The following KCNC3 variants were observed in gnomAD, a reference collection of about 807,000 sequenced individuals.
KCNC3 encodes the protein voltage-gated potassium channel KCNC3.
In KCNC3, 22 loss-of-function variants were observed where a neutral mutation model predicts 43.9. The observed-to-expected ratio is 0.50, with a 90% CI of 0.36 to 0.72. The LOEUF is 0.72. Ranked by LOEUF, KCNC3 falls within the 30% of genes least tolerant of loss-of-function variation. KCNC3 has a pLI of 0.00. For missense variants in KCNC3, 829 were observed against 1,073.8 expected (o/e 0.77, Z 3.19); for synonymous variants, 492 against 488.0 (o/e 1.01, Z -0.11).
At chr19:50,326,101 T>G (rs1009912212) in intron 1 of KCNC3, among the ~76,000 whole-genome samples, 1 of 152,116 alleles carries the variant, frequency 6.6e-6, no homozygotes, top group African/African-American at 2.4e-5. Context: ...GGTCGGACCC[T>G]CCACTTTGCT....
Position 50,324,217 on chromosome 19 carries a change from A to C in KCNC3, c.871-135T>G, listed in dbSNP as rs7256281. On this transcript the variant is annotated intron_variant, in intron 1 of 4. Coordinates refer to ENST00000477616, the MANE Select transcript of KCNC3 (RefSeq NM_004977.3). The surrounding 1 kb of genome is among the most constrained non-coding windows in gnomAD (Gnocchi z 4.1). ...ACTCTGGGCAAAATCCAGGTGTCTCAGCCCTGTGGCTCCATCACTTCCAGA... is the reference window on the plus strand; with the variant it reads ...ACTCTGGGCAAAATCCAGGTGTCTCCGCCCTGTGGCTCCATCACTTCCAGA... The C allele has an allele frequency of 1.3e-6, 1 of 781,172 alleles. No homozygotes were observed. Among genetic ancestry groups the C allele is most frequent in the Non-Finnish European group, 2.0e-6 (1 of 501,904 alleles). The allele number at this position is 781,172 out of a possible 1,614,324, so 48.4% of individuals were successfully genotyped here. A position where few individuals can be genotyped will look rare whatever the true frequency, so the allele number is the denominator to read the frequency against.
chr19:50,320,878 G>C, intron 2 of KCNC3, 94 bp from the exon 3 acceptor site: 1 of 1,236,612 alleles, frequency 8.1e-7, no homozygotes, highest in South Asian at 1.3e-5. Context: ...AGCAGATGCT[G>C]GGATGGTCGG....
In KCNC3 at chr19:50,314,654, G is replaced by A; in HGVS notation, c.*1461C>T. The A allele has an allele frequency of 5.5e-6, 2 of 364,008 alleles. No homozygotes were observed. The highest frequency in any genetic ancestry group is 1.0e-5 in the Non-Finnish European group (2 of 190,820). The allele number at this position is 364,008 out of a possible 1,614,324, so 22.5% of individuals were successfully genotyped here. On this transcript the variant is annotated 3_prime_UTR_variant, in exon 5 of 5. Coordinates refer to ENST00000477616, the MANE Select transcript of KCNC3 (RefSeq NM_004977.3). The stretch of plus-strand genomic sequence containing the variant: ...GAGGGAAGAGTTGGGGGGACGGGCT[G>A]TGGCCCCTCTCTCCATCCTGGGGGC...
rs1367554021 is a variant in KCNC3, at chr19:50,315,296, G to GA, written c.*818dup. 6.6e-6 allele frequency among the ~76,000 whole-genome samples: 1 copy of GA among 151,682 alleles called. No homozygotes were observed. Among genetic ancestry groups the GA allele is most frequent in the African/African-American group, 2.4e-5 (1 of 41,264 alleles). On this transcript the variant is annotated 3_prime_UTR_variant, in exon 5 of 5. Transcript: ENST00000477616. ...AAAGGGGGAGACATCGGGGAGGGGG[G>GA]AGAGACTCCGGATTAGGAGGCAGGT...
intron 1 of KCNC3, among the ~76,000 whole-genome samples, chr19:50,327,418 G>C (rs967740044): frequency 6.6e-6 from 1 of 152,004 alleles, no homozygotes; most frequent in African/African-American, 2.4e-5. Context: ...CGGAGAAGAT[G>C]CCCCAAGACT....
intron 4 of KCNC3, among the ~76,000 whole-genome samples, chr19:50,318,369 T>C (rs1333226426): frequency 1.3e-5 from 2 of 150,454 alleles, no homozygotes; most frequent in Non-Finnish European, 3.0e-5. Context: ...GAGATGGGGT[T>C]TCACCATGTT....
At position 50,320,293 on chromosome 19, in the gene KCNC3, A is replaced by G; in HGVS notation, c.2227T>C (p.Phe743Leu). The G allele has an allele frequency of 4.6e-6, 4 of 868,246 alleles. No individual in the cohort carries two copies. Among genetic ancestry groups the G allele is most frequent in the South Asian group, 2.4e-5 (1 of 41,300 alleles). The allele number at this position is 868,246 out of a possible 1,614,324, so 53.8% of individuals were successfully genotyped here. Residue 743 changes from phenylalanine (F) to leucine (L), a missense_variant, in exon 4 of 5, where the codon TTC (phenylalanine) becomes CTC (leucine). Physicochemically the swap from Phe to Leu is conservative, Grantham distance 22. This residue lies in a region of KCNC3 where 308 missense variants were observed against 276.2 expected (regional missense o/e 1.11). Coordinates refer to ENST00000477616, the MANE Select transcript of KCNC3 (RefSeq NM_004977.3). ...GCGTTGGCGTTGAGGTCGGGCAAGA[A>G]GCTTGGGGGGCCTGGCTTACGCCAG... ...QDWRKPGPPS[F>L]LPDLNANAAA...
At chr19:50,325,612 C>T (rs1389453360) in intron 1 of KCNC3, among the ~76,000 whole-genome samples, 2 of 152,146 alleles carry the variant, frequency 1.3e-5, no homozygotes, top group African/African-American at 4.8e-5. Context: ...CTTCGCTTCT[C>T]TGCAGTGGTT....
At position 50,324,421 on chromosome 19, in the gene KCNC3, A is replaced by T. The variant is rs962707471; in HGVS notation, c.871-339T>A. 8.6e-5 allele frequency among the ~76,000 whole-genome samples: 13 copies of T among 151,948 alleles called. No homozygotes were observed. Among genetic ancestry groups the T allele is most frequent in the Non-Finnish European group, 1.9e-4 (13 of 67,988 alleles). Reference sequence around the variant, plus strand: ...CCTCCTGTTCCCTGTGTCCTATTTCAGGGCCCCCCAGCAGGGTCCACGGGT... The same window carrying T: ...CCTCCTGTTCCCTGTGTCCTATTTCTGGGCCCCCCAGCAGGGTCCACGGGT... On this transcript the variant is annotated intron_variant, in intron 1 of 4. Coordinates refer to ENST00000477616, the MANE Select transcript of KCNC3 (RefSeq NM_004977.3). This position sits in a 1 kb window ranked among gnomAD's most constrained non-coding sequence, Gnocchi z 4.1.
At position 50,315,802 on chromosome 19, in the gene KCNC3, T is replaced by A; in HGVS notation, c.*313A>T. Reference sequence around the variant, plus strand: ...GGGTGCGGGAAGGCTCTCACAGGCATCTCACAGCTAATGGGACTCAAGATC... The same window carrying A: ...GGGTGCGGGAAGGCTCTCACAGGCAACTCACAGCTAATGGGACTCAAGATC... On this transcript the variant is annotated 3_prime_UTR_variant, in exon 5 of 5. Transcript: ENST00000477616. 2 of 212,166 alleles carry A rather than the reference T, an allele frequency of 9.4e-6. No individual in the cohort carries two copies. The highest frequency in any genetic ancestry group is 3.8e-4 in the South Asian group (2 of 5,306). 13.1% of individuals were successfully genotyped at this position (212,166 alleles called of 1,614,324 possible). A position where few individuals can be genotyped will look rare whatever the true frequency, so the allele number is the denominator to read the frequency against.
In KCNC3 at chr19:50,314,382, G is replaced by A. The variant is rs2036917691; in HGVS notation, c.*1733C>T. On this transcript the variant is annotated 3_prime_UTR_variant, in exon 5 of 5. Transcript: ENST00000477616. ...GGATGGGAAGGCTGGAGACCTTAAA[G>A]GCCAGCCCGACCCCCGGGAGGTGCC... 1 of 171,874 alleles carries A rather than the reference G, an allele frequency of 5.8e-6. No homozygotes were observed. The highest frequency in any genetic ancestry group is 6.0e-5 in the Admixed American group (1 of 16,758). The allele number at this position is 171,874 out of a possible 1,614,324, so 10.6% of individuals were successfully genotyped here.
chr19:50,312,243 C>T lies in KCNC3; in HGVS notation c.*3872G>A, dbSNP rs1435920720. 1 of 152,142 alleles carries T rather than the reference C, an allele frequency of 6.6e-6. No individual in the cohort carries two copies. The highest frequency in any genetic ancestry group is 1.5e-5 in the Non-Finnish European group (1 of 68,064). 9.4% of individuals were successfully genotyped at this position (152,142 alleles called of 1,614,324 possible). A position where few individuals can be genotyped will look rare whatever the true frequency, so the allele number is the denominator to read the frequency against. On this transcript the variant is annotated 3_prime_UTR_variant, in exon 5 of 5. Transcript: ENST00000477616. ...CTGAGAGCGCCCCCTCACCACTCCC[C>T]CCACCAGCGACAGGCTAGGCCCGCC...
Position 50,328,321 on chromosome 19 carries a change from G to C in KCNC3, c.762C>G (p.Ala254=). 1.8e-6 allele frequency: 2 copies of C among 1,134,682 alleles called. No homozygotes were observed. The highest frequency in any genetic ancestry group is 2.2e-6 in the Non-Finnish European group (2 of 929,122). 70.3% of individuals were successfully genotyped at this position (1,134,682 alleles called of 1,614,324 possible). ...CGCCCGCGCCCCCTGGCGGCCCCCCGGCGCCGCCGCCCGCGTCCTGGAAGC... is the reference window on the plus strand; with the variant it reads ...CGCCCGCGCCCCCTGGCGGCCCCCCCGCGCCGCCGCCCGCGTCCTGGAAGC... ...RLCFQDAGGG[A]GGPPGGAGGA... is the part of the protein sequence containing the mutation. The change falls in exon 1 of 5, where the codon GCC becomes GCG. Residue 254 remains alanine (A), a synonymous_variant. Transcript: ENST00000477616.
chr19:50,325,585 T>C (rs1056277426), intron 1 of KCNC3, among the ~76,000 whole-genome samples: 1 of 151,676 alleles, frequency 6.6e-6, no homozygotes. Context: ...CTCTCTGAAC[T>C]CCCCCCCCAC....
chr19:50,327,624 G>T (rs968390222), intron 1 of KCNC3, among the ~76,000 whole-genome samples: 1 of 152,042 alleles, frequency 6.6e-6, no homozygotes, highest in Non-Finnish European at 1.5e-5. Flanking sequence ...GACGGGCCAC[G>T]GGGTGAATCG....
At position 50,324,205 on chromosome 19, in the gene KCNC3, T is replaced by C; in HGVS notation, c.871-123A>G. On this transcript the variant is annotated intron_variant, in intron 1 of 4. Coordinates refer to ENST00000477616, the MANE Select transcript of KCNC3 (RefSeq NM_004977.3). The surrounding 1 kb of genome is among the most constrained non-coding windows in gnomAD (Gnocchi z 4.1). Reference sequence around the variant, plus strand: ...TCCTGGGCCCAAACTCTGGGCAAAATCCAGGTGTCTCAGCCCTGTGGCTCC... The same window carrying C: ...TCCTGGGCCCAAACTCTGGGCAAAACCCAGGTGTCTCAGCCCTGTGGCTCC... 3.3e-6 allele frequency: 3 copies of C among 897,176 alleles called. No individual in the cohort carries two copies. Among genetic ancestry groups the C allele is most frequent in the Non-Finnish European group, 5.0e-6 (3 of 604,980 alleles). The allele number at this position is 897,176 out of a possible 1,614,324, so 55.6% of individuals were successfully genotyped here.
chr19:50,312,940 G>C lies in KCNC3; in HGVS notation c.*3175C>G, dbSNP rs1463403153. The stretch of plus-strand genomic sequence containing the variant: ...GGGTTTAGGGTCCGAGGGAAGGATG[G>C]GGGGGACTCAAAATGCCCCTTGCAT... On this transcript the variant is annotated 3_prime_UTR_variant, in exon 5 of 5. Transcript: ENST00000477616. 6.6e-6 allele frequency: 1 copy of C among 152,072 alleles called. No individual in the cohort carries two copies. The highest frequency in any genetic ancestry group is 1.5e-5 in the Non-Finnish European group (1 of 68,002). 9.4% of individuals were successfully genotyped at this position (152,072 alleles called of 1,614,324 possible).
intron 4 of KCNC3, among the ~76,000 whole-genome samples, chr19:50,318,451 A>C (rs1332803704): frequency 6.6e-6 from 1 of 152,192 alleles, no homozygotes; most frequent in East Asian, 1.9e-4. Context: ...CTGGGATTAC[A>C]GATGTGAGCC....
intron 2 of KCNC3, among the ~76,000 whole-genome samples, chr19:50,322,058 T>C (rs1568571175): frequency 1.3e-5 from 2 of 151,770 alleles, no homozygotes; most frequent in Admixed American, 6.6e-5. Context: ...CAGCTATTTT[T>C]AACTGGTGTG....
Sources: allele counts gnomAD v4.1 joint callset (sites outside exome capture counted in the v4.1 genomes callset), GRCh38; gene constraint gnomAD v4.1.1; regional missense constraint gnomAD v4.1.1; non-coding constraint Gnocchi (gnomAD v3.1); transcripts MANE v1.5; gene names NCBI Gene and HGNC (gene_info 2026-07-23, HGNC 2026-07-21).